The following SGMS1 variants were observed in gnomAD, a reference collection of about 807,000 sequenced individuals.
SGMS1 encodes sphingomyelin synthase 1.
Under a neutral mutation model 46.2 loss-of-function variants are expected in SGMS1, and 13 were observed. The ratio of observed to expected loss-of-function variants is 0.28; its 90% CI spans 0.18 to 0.45. The LOEUF (loss-of-function observed/expected upper bound fraction) is 0.45. Ranked by LOEUF, SGMS1 falls within the 20% of genes least tolerant of loss-of-function variation. The pLI is 1.00. For synonymous variants in SGMS1, 203 were observed against 187.8 expected, an observed-to-expected ratio of 1.08 and a Z score of -0.66; for missense variants, 324 against 519.9, an observed-to-expected ratio of 0.62 and a Z score of 3.66.
chr10:50,598,598 G>T (rs185273705), intron 1 of SGMS1, among the ~76,000 whole-genome samples: 1 of 152,270 alleles, frequency 6.6e-6, no homozygotes, highest in East Asian at 1.9e-4. Flanking sequence ...TAGCTCTGAA[G>T]TTCCTTGCCA....
chr10:50,339,944 G>A (rs908533258), intron 7 of SGMS1, among the ~76,000 whole-genome samples: 1 of 152,160 alleles, frequency 6.6e-6, no homozygotes, highest in Admixed American at 6.5e-5. Flanking sequence ...CTCCATCTGA[G>A]CACCCACTAT....
In SGMS1 at chr10:50,311,188, G is replaced by A. The variant is rs2304444; in HGVS notation, c.895+74C>T. ...TGCTTCAGCAGATTTTCCAGAAAAT[G>A]AGCTTTACCAGAGGACCAGAGTTCA... On this transcript the variant is annotated intron_variant, in intron 9 of 10. Coordinates refer to ENST00000361781, the MANE Select transcript of SGMS1 (RefSeq NM_147156.4). The A allele has an allele frequency of 0.025, 38,847 of 1,536,318 alleles. 4,102 individuals are homozygous for A. The East Asian group carries it at 0.33, about 13-fold the overall frequency.
chr10:50,539,807 T>C (rs1218281421), intron 2 of SGMS1, among the ~76,000 whole-genome samples: 1 of 152,054 alleles, frequency 6.6e-6, no homozygotes, highest in African/African-American at 2.4e-5. Context: ...AAACATTAAG[T>C]AAAAGTCCAA....
chr10:50,467,195 T>C (rs189982595), intron 3 of SGMS1, among the ~76,000 whole-genome samples: 1 of 152,096 alleles, frequency 6.6e-6, no homozygotes, highest in Non-Finnish European at 1.5e-5. Context: ...TCTGATGGTA[T>C]AACATGAGTT....
chr10:50,556,644 C>T (rs551513468), intron 2 of SGMS1, among the ~76,000 whole-genome samples: 79 of 152,244 alleles, frequency 5.2e-4, no homozygotes, highest in African/African-American at 1.7e-3. Flanking sequence ...CCCGCACAGA[C>T]GCAGCAACAA....
chr10:50,385,505 A>G (rs543628155), intron 6 of SGMS1, among the ~76,000 whole-genome samples: 31 of 152,344 alleles, frequency 2.0e-4, no homozygotes, highest in African/African-American at 7.2e-4. Flanking sequence ...TCAAGTTACC[A>G]TAAAGGTTAA....
intron 6 of SGMS1, among the ~76,000 whole-genome samples, chr10:50,380,880 G>A (rs1244781844): frequency 2.0e-5 from 3 of 151,946 alleles, no homozygotes; most frequent in South Asian, 2.1e-4. Flanking sequence ...ACCAGGCTGC[G>A]GTGCAGTGGT....
intron 1 of SGMS1, among the ~76,000 whole-genome samples, chr10:50,610,585 T>A (rs539798327): frequency 7.2e-5 from 11 of 152,182 alleles, no homozygotes; most frequent in Non-Finnish European, 1.0e-4. Flanking sequence ...GAGGCCCCTA[T>A]GGAAACCTGG....
intron 2 of SGMS1, among the ~76,000 whole-genome samples, chr10:50,521,173 A>C (rs975775016): frequency 5.3e-5 from 8 of 152,138 alleles, no homozygotes; most frequent in African/African-American, 1.7e-4. Flanking sequence ...ACTGGCCTTT[A>C]AATTTTTGTA....
intron 8 of SGMS1, among the ~76,000 whole-genome samples, chr10:50,323,886 CACATTTATT>C (rs1847488768): frequency 6.6e-6 from 1 of 152,182 alleles, no homozygotes; most frequent in South Asian, 2.1e-4. Flanking sequence ...CAGCATTTTA[CACATTTATT>C]ACATAAGTTA....
At chr10:50,563,194 C>T (rs1056761005) in intron 2 of SGMS1, among the ~76,000 whole-genome samples, 4 of 152,198 alleles carry the variant, frequency 2.6e-5, no homozygotes, top group Non-Finnish European at 5.9e-5. Flanking sequence ...CCTCTGAGTC[C>T]TCGTGGTCGG....
At chr10:50,343,296 A>AAACAGGC in intron 7 of SGMS1, 196 bp downstream of exon 7, 1 of 548,146 alleles carries the variant, frequency 1.8e-6, no homozygotes, top group Non-Finnish European at 3.1e-6. Flanking sequence ...ATCTTGCATA[A>AAACAGGC]AACAGGCAAC....
chr10:50,450,496 G>A (rs1837093003), intron 5 of SGMS1, among the ~76,000 whole-genome samples: 1 of 152,062 alleles, frequency 6.6e-6, no homozygotes, highest in Non-Finnish European at 1.5e-5. Context: ...TGACTGTATG[G>A]GAGTCTATAA....
chr10:50,481,204 G>T (rs1052994554), intron 3 of SGMS1, among the ~76,000 whole-genome samples: 4 of 152,222 alleles, frequency 2.6e-5, no homozygotes, highest in African/African-American at 9.6e-5. Flanking sequence ...TTCATTAAGA[G>T]GATCCCTCAT....
intron 6 of SGMS1, among the ~76,000 whole-genome samples, chr10:50,381,164 A>G (rs1014648105): frequency 6.6e-6 from 1 of 152,142 alleles, no homozygotes; most frequent in East Asian, 1.9e-4. Context: ...AAACAAACAA[A>G]CAAATACTAA....
intron 7 of SGMS1, chr10:50,335,753 T>C (rs1057437208): frequency 6.6e-6 from 1 of 152,158 alleles, no homozygotes; most frequent in African/African-American, 2.4e-5. Flanking sequence ...CATTTAGAAA[T>C]ACACATGTAC....
intron 6 of SGMS1, among the ~76,000 whole-genome samples, chr10:50,404,847 A>G (rs963762230): frequency 6.6e-6 from 1 of 152,214 alleles, no homozygotes; most frequent in Non-Finnish European, 1.5e-5. Context: ...AAAATCAATT[A>G]TTATACACCC....
chr10:50,480,981 C>G (rs998687977), intron 3 of SGMS1, among the ~76,000 whole-genome samples: 1 of 152,226 alleles, frequency 6.6e-6, no homozygotes, highest in African/African-American at 2.4e-5. Context: ...TTCAGCAACC[C>G]CAGCCAGGGA....
chr10:50,543,801 G>GA (rs1838076394), intron 2 of SGMS1, among the ~76,000 whole-genome samples: 1 of 152,080 alleles, frequency 6.6e-6, no homozygotes. Flanking sequence ...TAAACCAAAA[G>GA]ATTTTTTTTT....
Sources: gnomAD v4.1 joint callset for allele counts (sites outside exome capture counted in the v4.1 genomes callset) on GRCh38, gnomAD v4.1.1 for gene constraint, MANE v1.5 for transcripts, NCBI Gene and HGNC (gene_info 2026-07-23, HGNC 2026-07-21) for gene names.